Variants in FRMPD4 observed in about 807,000 individuals in gnomAD.
FRMPD4 encodes FERM and PDZ domain containing 4.
Under a neutral mutation model 94.1 loss-of-function variants are expected in FRMPD4, and 22 were observed. The observed-to-expected ratio is 0.23, with a 90% CI of 0.17 to 0.33. The LOEUF is 0.33. FRMPD4 is among the 10% of genes least tolerant of loss of function. The pLI, the probability that FRMPD4 is intolerant of heterozygous loss-of-function variation, is 1.00. For synonymous variants in FRMPD4, 631 were observed against 548.6 expected (o/e 1.15, Z -2.10); for missense variants, 1,111 against 1,339.9 (o/e 0.83, Z 2.67).
chrX:12,141,899 G>A (rs140748405), intron 1 of FRMPD4, among the ~76,000 whole-genome samples: 1,469 of 111,854 alleles, frequency 0.013, 11 homozygotes, highest in Non-Finnish European at 0.02. Context: ...TATTGTTACT[G>A]CTCTTTGTAT....
chrX:12,166,852 G>A (rs2056128560), intron 1 of FRMPD4, among the ~76,000 whole-genome samples: 1 of 111,874 alleles, frequency 8.9e-6, no homozygotes, highest in Non-Finnish European at 1.9e-5. Context: ...GGTGTTTATA[G>A]TATTCCCTGA....
At chrX:12,463,539 C>T (rs56916570) in intron 1 of FRMPD4, among the ~76,000 whole-genome samples, 1 of 111,404 alleles carries the variant, frequency 9.0e-6, no homozygotes, top group Non-Finnish European at 1.9e-5. Flanking sequence ...GCTGCTTCAT[C>T]TTAATTATCA....
chrX:12,600,446 G>A (rs1256753085), intron 2 of FRMPD4, among the ~76,000 whole-genome samples: 3 of 112,146 alleles, frequency 2.7e-5, no homozygotes, highest in African/African-American at 9.7e-5. Flanking sequence ...TTTTATCTAT[G>A]CATATTTGCA....
In FRMPD4 at chrX:12,718,373, G is replaced by C. The variant is rs1412840166; in HGVS notation, c.3547G>C (p.Ala1183Pro). 2.5e-6 allele frequency: 3 copies of C among 1,211,960 alleles called. No homozygotes were observed. The highest frequency in any genetic ancestry group is 3.4e-6 in the Non-Finnish European group (3 of 895,513). Residue 1183 changes from alanine (A) to proline (P), a missense_variant, in exon 16 of 17, where the codon GCT becomes CCT. Ala to Pro is a conservative substitution (Grantham distance 27). Coordinates refer to ENST00000675598, the MANE Select transcript of FRMPD4 (RefSeq NM_001368397.1). ...CGACCATCCTTCCAAGCTTCCTGAGGCTGATGAGAGTGTGGCCCGCCTTTG... is the reference window on the plus strand; with the variant it reads ...CGACCATCCTTCCAAGCTTCCTGAGCCTGATGAGAGTGTGGCCCGCCTTTG... ...TCDHPSKLPE[A>P]DESVARLCDY...
At chrX:12,404,428 T>C (rs1361285801) in intron 1 of FRMPD4, among the ~76,000 whole-genome samples, 1 of 112,474 alleles carries the variant, frequency 8.9e-6, no homozygotes, top group African/African-American at 3.2e-5. Context: ...GAAGAAGTCA[T>C]GTCTTGTAGA....
intron 3 of FRMPD4, among the ~76,000 whole-genome samples, chrX:12,123,722 C>T (rs974791634): frequency 1.8e-5 from 2 of 111,294 alleles, no homozygotes; most frequent in African/African-American, 6.5e-5. Flanking sequence ...CAGTAGCAAC[C>T]CTTCTTATTA....
chrX:12,325,113 T>C (rs1463886234), intron 1 of FRMPD4, among the ~76,000 whole-genome samples: 2 of 112,715 alleles, frequency 1.8e-5, no homozygotes, highest in African/African-American at 6.4e-5. Context: ...TTGAAAAATA[T>C]TATTTGTTAT....
chrX:11,897,255 C>A (rs759720814), intron 3 of FRMPD4, among the ~76,000 whole-genome samples: 19 of 110,157 alleles, frequency 1.7e-4, no homozygotes, highest in Non-Finnish European at 2.7e-4. Context: ...CTGGAACAGG[C>A]AAAACTAATC....
intron 1 of FRMPD4, among the ~76,000 whole-genome samples, chrX:12,426,325 A>G (rs1344917561): frequency 9.0e-6 from 1 of 111,383 alleles, no homozygotes; most frequent in Non-Finnish European, 1.9e-5. Flanking sequence ...ATCTTAGTAC[A>G]GAGATCAGTG....
intron 2 of FRMPD4, 65 bp downstream of exon 2, chrX:12,498,861 T>C: frequency 3.2e-6 from 2 of 619,588 alleles, no homozygotes; most frequent in Non-Finnish European, 5.2e-6. Flanking sequence ...TCTTTGTTTA[T>C]GAGAATGAAC....
chrX:11,909,029 T>C (rs1406617212), intron 3 of FRMPD4, among the ~76,000 whole-genome samples: 1 of 112,135 alleles, frequency 8.9e-6, no homozygotes, highest in East Asian at 2.8e-4. Context: ...TCTTATAATA[T>C]CTTTTTCTTG....
At chrX:12,260,940 A>G (rs2054179890) in intron 1 of FRMPD4, among the ~76,000 whole-genome samples, 1 of 111,338 alleles carries the variant, frequency 9.0e-6, no homozygotes, top group South Asian at 3.8e-4. Flanking sequence ...AAGATGCCCA[A>G]ACAGCCCTCC....
At chrX:12,017,386 G>A (rs2147419853) in intron 3 of FRMPD4, among the ~76,000 whole-genome samples, 1 of 112,598 alleles carries the variant, frequency 8.9e-6, no homozygotes, top group East Asian at 2.8e-4. Flanking sequence ...AGCAAGTCAG[G>A]AACTGGTTAT....
chrX:12,665,686 G>A (rs1444809983), intron 4 of FRMPD4, among the ~76,000 whole-genome samples: 1 of 112,007 alleles, frequency 8.9e-6, no homozygotes, highest in Admixed American at 9.5e-5. Context: ...AGCTTCATAA[G>A]CGAAGGAGAA....
chrX:12,215,796 C>T (rs1033544987), intron 1 of FRMPD4, among the ~76,000 whole-genome samples: 4 of 112,115 alleles, frequency 3.6e-5, no homozygotes, highest in Middle Eastern at 4.6e-3. Flanking sequence ...CAAGGCCTAA[C>T]ATCATGGTTC....
intron 1 of FRMPD4, among the ~76,000 whole-genome samples, chrX:12,397,265 A>ATT (rs2056554451): frequency 1.8e-5 from 2 of 108,758 alleles, no homozygotes; most frequent in Non-Finnish European, 3.9e-5. Flanking sequence ...TTTTTTTTAA[A>ATT]AAAAAAAATA....
At chrX:12,266,697 T>C (rs1466528929) in intron 1 of FRMPD4, among the ~76,000 whole-genome samples, 1 of 111,835 alleles carries the variant, frequency 8.9e-6, no homozygotes, top group Non-Finnish European at 1.9e-5. Flanking sequence ...ATTTAATTTA[T>C]GTATTAAAAA....
intron 1 of FRMPD4, among the ~76,000 whole-genome samples, chrX:12,493,444 G>A (rs758947749): frequency 7.1e-4 from 79 of 111,729 alleles, no homozygotes; most frequent in African/African-American, 2.3e-3. Context: ...ATGAATGACC[G>A]AATGCATAGA....
intron 1 of FRMPD4, among the ~76,000 whole-genome samples, chrX:12,200,180 T>C (rs1338985195): frequency 8.9e-6 from 1 of 112,000 alleles, no homozygotes; most frequent in Non-Finnish European, 1.9e-5. Flanking sequence ...AGTCCAGTCC[T>C]CAGGCAGAAA....
Sources: allele counts gnomAD v4.1 joint callset (sites outside exome capture counted in the v4.1 genomes callset), GRCh38; gene constraint gnomAD v4.1.1; transcripts MANE v1.5; gene names NCBI Gene and HGNC (gene_info 2026-07-23, HGNC 2026-07-21).